The following BTRC variants were observed in gnomAD, a reference collection of about 807,000 sequenced individuals.
BTRC encodes the protein F-box/WD repeat-containing protein 1A.
A neutral mutation model predicts 85.5 loss-of-function variants in BTRC; 42 were observed. That is an observed-to-expected ratio of 0.49 (90% CI 0.38 to 0.64). BTRC has a LOEUF of 0.64. Ranked by LOEUF, BTRC falls within the 30% of genes least tolerant of loss-of-function variation. The pLI is 0.00. For synonymous variants in BTRC, 255 were observed against 263.3 expected (o/e 0.97, Z 0.30); for missense variants, 594 against 743.5 (o/e 0.80, Z 2.34).
Position 101,550,804 on chromosome 10 carries a change from G to A in BTRC, c.1762G>A (p.Ala588Thr), listed in dbSNP as rs758891276. Residue 588 changes from alanine (A) to threonine (T), a missense_variant, in exon 14 of 15, where the codon GCC becomes ACC. Transcript: ENST00000370187. ...CTGGGACTTCCTAAATGATCCAGCT[G>A]CCCAAGCTGAACCCCCCCGTTCCCC... ...LIWDFLNDPA[A>T]QAEPPRSPSR... 1.9e-6 allele frequency: 3 copies of A among 1,614,002 alleles called. No homozygotes were observed. Among genetic ancestry groups the A allele is most frequent in the Non-Finnish European group, 2.5e-6 (3 of 1,179,970 alleles).
intron 1 of BTRC, among the ~76,000 whole-genome samples, chr10:101,429,068 CTA>C (rs909411940): frequency 4.6e-5 from 7 of 152,104 alleles, no homozygotes; most frequent in African/African-American, 1.7e-4. Context: ...AGAAAAAAGT[CTA>C]TGACAATATA....
intron 6 of BTRC, among the ~76,000 whole-genome samples, chr10:101,528,929 G>T (rs1242493339): frequency 1.3e-5 from 2 of 152,090 alleles, no homozygotes; most frequent in East Asian, 3.8e-4. Flanking sequence ...TATCTAGATG[G>T]ATTTGACAGT....
chr10:101,510,680 T>G (rs1202180524), intron 4 of BTRC, among the ~76,000 whole-genome samples: 1 of 152,068 alleles, frequency 6.6e-6, no homozygotes, highest in Admixed American at 6.6e-5. Flanking sequence ...CACTGTTGTA[T>G]CCCCATCCAG....
intron 2 of BTRC, among the ~76,000 whole-genome samples, chr10:101,443,405 T>G (rs1944742482): frequency 6.6e-6 from 1 of 152,178 alleles, no homozygotes; most frequent in Admixed American, 6.5e-5. Flanking sequence ...TTGATTCAGT[T>G]TAACTCTAGG....
intron 2 of BTRC, among the ~76,000 whole-genome samples, chr10:101,449,381 T>C (rs1369447761): frequency 1.3e-5 from 2 of 152,096 alleles, no homozygotes; most frequent in Non-Finnish European, 2.9e-5. Flanking sequence ...CTCAGTCCTA[T>C]TTTGATAAAA....
intron 4 of BTRC, among the ~76,000 whole-genome samples, chr10:101,502,319 T>C (rs1946417367): frequency 6.6e-6 from 1 of 152,162 alleles, no homozygotes. Context: ...GATAATTTCC[T>C]TACTGTTCTT....
intron 1 of BTRC, among the ~76,000 whole-genome samples, chr10:101,383,102 C>G (rs1211715082): frequency 8.4e-6 from 1 of 119,242 alleles, no homozygotes; most frequent in African/African-American, 3.4e-5. Context: ...CTCACTCTTT[C>G]TCCCAGGTTG....
intron 4 of BTRC, among the ~76,000 whole-genome samples, chr10:101,510,139 AG>A (rs1375189792): frequency 1.3e-5 from 2 of 152,048 alleles, no homozygotes; most frequent in African/African-American, 4.8e-5. Flanking sequence ...TCTCAAAAAA[AG>A]AAAAAAAGAA....
At chr10:101,533,286 T>A (rs1446445073) in intron 9 of BTRC, among the ~76,000 whole-genome samples, 1 of 152,172 alleles carries the variant, frequency 6.6e-6, no homozygotes, top group African/African-American at 2.4e-5. Flanking sequence ...AACTACACAT[T>A]CTATTTTAAT....
intron 1 of BTRC, among the ~76,000 whole-genome samples, chr10:101,392,025 G>A (rs11190985): frequency 0.33 from 50,158 of 151,994 alleles, 10,890 homozygotes; most frequent in East Asian, 0.67. Context: ...TGTCGCCCAG[G>A]CTGGAGTGCA....
chr10:101,438,622 A>G (rs1944600262), intron 2 of BTRC, among the ~76,000 whole-genome samples: 1 of 152,104 alleles, frequency 6.6e-6, no homozygotes. Context: ...TATAGTTGCT[A>G]CTGTTCATTG....
intron 1 of BTRC, among the ~76,000 whole-genome samples, chr10:101,361,589 A>G (rs762871853): frequency 7.2e-5 from 11 of 152,316 alleles, no homozygotes; most frequent in Non-Finnish European, 1.6e-4. Flanking sequence ...AGAAATCTCT[A>G]TGGGAAGGGT....
rs1945369098 is a variant in BTRC, at chr10:101,466,249, T to G, written c.234+4191T>G. Among the ~76,000 whole-genome samples, 5 of 152,160 alleles carry G rather than the reference T, an allele frequency of 3.3e-5. No individual in the cohort carries two copies. The South Asian group carries it at 1.0e-3, about 32-fold the overall frequency. On this transcript the variant is annotated intron_variant, in intron 3 of 14. Coordinates refer to ENST00000370187, the MANE Select transcript of BTRC (RefSeq NM_033637.4). ...CTTACCATCCTGAGAACGTGGGCAG[T>G]GATAAATAAAGCATTGAGTAGAGCT... is the stretch of plus-strand genomic sequence containing the variant.
At chr10:101,423,753 G>A (rs1944171652) in intron 1 of BTRC, among the ~76,000 whole-genome samples, 1 of 152,146 alleles carries the variant, frequency 6.6e-6, no homozygotes, top group African/African-American at 2.4e-5. Flanking sequence ...ACAATGCCTG[G>A]CAGACAGTTT....
intron 4 of BTRC, 88 bp from the exon 5 acceptor site, chr10:101,521,551 A>G (rs9419923): frequency 0.18 from 165,989 of 928,054 alleles, 15,989 homozygotes; most frequent in Middle Eastern, 0.24. Flanking sequence ...ATGTAGACAT[A>G]ATATAGCATG....
At chr10:101,358,604 T>C (rs1005772507) in intron 1 of BTRC, among the ~76,000 whole-genome samples, 5 of 152,226 alleles carry the variant, frequency 3.3e-5, no homozygotes, top group African/African-American at 1.2e-4. Context: ...ACAATTATTT[T>C]TCCCCTCAAA....
chr10:101,516,823 T>C (rs976030067), intron 4 of BTRC, among the ~76,000 whole-genome samples: 2 of 152,198 alleles, frequency 1.3e-5, no homozygotes, highest in African/African-American at 4.8e-5. Flanking sequence ...ATTAAGCTGC[T>C]GATTGTTCTT....
chr10:101,396,901 C>G (rs1402343537), intron 1 of BTRC, among the ~76,000 whole-genome samples: 3 of 151,628 alleles, frequency 2.0e-5, no homozygotes, highest in Admixed American at 6.6e-5. Context: ...CTCCCGGATT[C>G]AAGCAATTCT....
rs36139179 is a variant in BTRC at position 101,505,157 on chromosome 10, G to GTATATATATATA, written c.325-16472_325-16461dup. ...TATATATGTATATATATATGTATAT[G>GTATATATATATA]TATATATATATATATATATATTTTT... On this transcript the variant is annotated intron_variant, in intron 4 of 14. Coordinates refer to ENST00000370187, the MANE Select transcript of BTRC (RefSeq NM_033637.4). Among the ~76,000 whole-genome samples the GTATATATATATA allele has an allele frequency of 2.2e-4, 26 of 118,908 alleles. No individual in the cohort carries two copies. The South Asian group carries it at 3.3e-3, about 15-fold the overall frequency. The allele number at this position is 118,908 out of a possible 152,430, so 78.0% of individuals were successfully genotyped here.
Sources: allele counts gnomAD v4.1 joint callset (sites outside exome capture counted in the v4.1 genomes callset), GRCh38; gene constraint gnomAD v4.1.1; transcripts MANE v1.5; gene names NCBI Gene and HGNC (gene_info 2026-07-23, HGNC 2026-07-21).